The following WFDC10B variants were observed in gnomAD, a reference collection of about 807,000 sequenced individuals.
WFDC10B encodes WAP four-disulfide core domain 10B, also known as protein WFDC10B.
A neutral mutation model predicts 2.7 loss-of-function variants in WFDC10B; 1 was observed. The ratio of observed to expected loss-of-function variants is 0.38; its 90% CI spans 0.13 to 1.79. The LOEUF is 1.79. Among genes scored for constraint, WFDC10B ranks in the 40% most tolerant of loss-of-function variants. The probability of loss-of-function intolerance (pLI) is 0.33; values close to 1 mark genes in which losing one functional copy is unlikely to be tolerated. For synonymous variants in WFDC10B, 26 were observed against 32.2 expected, an observed-to-expected ratio of 0.81 and a Z score of 0.65; for missense variants, 71 against 87.8, an observed-to-expected ratio of 0.81 and a Z score of 0.76.
chr20:45,691,470 C>A (rs1195699029), intron 2 of WFDC10B, among the ~76,000 whole-genome samples: 1 of 150,446 alleles, frequency 6.6e-6, no homozygotes, highest in Non-Finnish European at 1.5e-5. Context: ...GTGTGGGAGT[C>A]TAAGTCTCTT....
At chr20:45,702,221 G>A in intron 2 of WFDC10B, 3 of 1,609,250 alleles carry the variant, frequency 1.9e-6, no homozygotes, top group East Asian at 2.2e-5. Flanking sequence ...AGTAGGTGCT[G>A]GATCTGGGCC....
At position 45,686,465 on chromosome 20, in the gene WFDC10B, G is replaced by A. The variant is rs143156830; in HGVS notation, c.-64-409C>T. Among the ~76,000 whole-genome samples, 26 of 150,890 alleles carry A rather than the reference G, an allele frequency of 1.7e-4. No individual in the cohort carries two copies. The East Asian group carries it at 3.5e-3, about 20-fold the overall frequency. On this transcript the variant is annotated intron_variant, in intron 2 of 3. Transcript: ENST00000330523. ...AATCACCTATCTTTTGTTACCTACCGTCTGCCACCTTTATTTAGTCATGCA... is the reference window on the plus strand; with the variant it reads ...AATCACCTATCTTTTGTTACCTACCATCTGCCACCTTTATTTAGTCATGCA...
At chr20:45,685,359 A>C (rs1983573027) in intron 3 of WFDC10B, among the ~76,000 whole-genome samples, 1 of 151,926 alleles carries the variant, frequency 6.6e-6, no homozygotes, top group African/African-American at 2.4e-5. Context: ...AAGAAGATGA[A>C]CTTGCCTCTC....
Position 45,704,770 on chromosome 20 carries a change from A to G in WFDC10B, c.-130+148T>C, listed in dbSNP as rs551085663. 5 of 1,304,296 alleles carry G rather than the reference A, an allele frequency of 3.8e-6. No individual in the cohort carries two copies. The East Asian group carries it at 1.2e-4, about 30-fold the overall frequency. The allele number at this position is 1,304,296 out of a possible 1,614,324, so 80.8% of individuals were successfully genotyped here. On this transcript the variant is annotated intron_variant, in intron 1 of 3. Coordinates refer to ENST00000330523, the MANE Select transcript of WFDC10B (RefSeq NM_172006.2). ...GATAATTTCCATAAAAGTCCTGATT[A>G]GAAAAGCCCTCCTCCCCTCCCAATC...
intron 2 of WFDC10B, among the ~76,000 whole-genome samples, chr20:45,702,497 T>C (rs1454010624): frequency 1.3e-5 from 2 of 152,210 alleles, no homozygotes; most frequent in African/African-American, 2.4e-5. Flanking sequence ...TGCTCAGTAA[T>C]ATTAAATGCT....
chr20:45,687,162 T>C (rs558336422), intron 2 of WFDC10B, among the ~76,000 whole-genome samples: 1 of 152,264 alleles, frequency 6.6e-6, no homozygotes, highest in Non-Finnish European at 1.5e-5. Flanking sequence ...CTCCCTCCTA[T>C]GACAGGCCCC....
chr20:45,685,672 G>T (rs1983587514), intron 3 of WFDC10B, among the ~76,000 whole-genome samples: 1 of 152,144 alleles, frequency 6.6e-6, no homozygotes, highest in Non-Finnish European at 1.5e-5. Flanking sequence ...TAAGTACTGG[G>T]AGCAAACAAC....
In WFDC10B at chr20:45,693,579, C is replaced by T. The variant is rs183988370; in HGVS notation, c.-64-7523G>A. ...TGCTGCCGCCTTGCTGTTTGATCTCCGACTGCTGTGCTAGCAATCAGCGAG... is the reference window on the plus strand; with the variant it reads ...TGCTGCCGCCTTGCTGTTTGATCTCTGACTGCTGTGCTAGCAATCAGCGAG... On this transcript the variant is annotated intron_variant, in intron 2 of 3. Coordinates refer to ENST00000330523, the MANE Select transcript of WFDC10B (RefSeq NM_172006.2). 1.3e-3 allele frequency among the ~76,000 whole-genome samples: 199 copies of T among 152,218 alleles called. 1 individual carries two copies. The highest frequency in any genetic ancestry group is 3.7e-3 in the African/African-American group (155 of 41,554).
Position 45,684,779 on chromosome 20 carries a change from C to A in WFDC10B, c.*51G>T, listed in dbSNP as rs775250900. ...TGTGCTTCGGATGTGGGCACAGTCT[C>A]GGATGGAAGGGTTCAGGGAGCAGGA... On this transcript the variant is annotated 3_prime_UTR_variant, in exon 4 of 4. Transcript: ENST00000330523. 3.8e-6 allele frequency: 6 copies of A among 1,599,154 alleles called. No homozygotes were observed. In the East Asian group the frequency reaches 1.1e-4, roughly 30 times the overall value.
At chr20:45,699,326 A>G (rs1984076449) in intron 2 of WFDC10B, among the ~76,000 whole-genome samples, 1 of 152,256 alleles carries the variant, frequency 6.6e-6, no homozygotes, top group South Asian at 2.1e-4. Context: ...ATATTCATCT[A>G]CAAATGTTCA....
intron 2 of WFDC10B, among the ~76,000 whole-genome samples, chr20:45,687,307 T>C (rs928847766): frequency 2.6e-5 from 4 of 152,230 alleles, no homozygotes; most frequent in African/African-American, 7.2e-5. Context: ...GATAACGGCT[T>C]GTAGTTCCAT....
intron 3 of WFDC10B, among the ~76,000 whole-genome samples, chr20:45,685,485 G>T (rs997837197): frequency 2.0e-5 from 3 of 152,088 alleles, no homozygotes; most frequent in Admixed American, 6.6e-5. Context: ...ACTTTTCATT[G>T]CTTATGTCCT....
chr20:45,686,957 G>A (rs1158204559), intron 2 of WFDC10B, among the ~76,000 whole-genome samples: 6 of 151,994 alleles, frequency 3.9e-5, no homozygotes, highest in South Asian at 4.1e-4. Flanking sequence ...CACCACACTC[G>A]GCCTAATTAT....
intron 3 of WFDC10B, among the ~76,000 whole-genome samples, chr20:45,685,286 C>T (rs186987714): frequency 2.0e-3 from 306 of 152,248 alleles, no homozygotes; most frequent in African/African-American, 7.1e-3. Flanking sequence ...ACCCTGAGAG[C>T]TCAAAGAAGC....
chr20:45,688,437 G>A (rs560126237), intron 2 of WFDC10B, among the ~76,000 whole-genome samples: 1 of 151,902 alleles, frequency 6.6e-6, no homozygotes, highest in South Asian at 2.1e-4. Flanking sequence ...CTAGATCCCT[G>A]AGGAATCGCC....
intron 2 of WFDC10B, among the ~76,000 whole-genome samples, chr20:45,701,345 G>A (rs1409013643): frequency 6.6e-6 from 1 of 152,104 alleles, no homozygotes; most frequent in Admixed American, 6.5e-5. Flanking sequence ...GTTTCAGTGA[G>A]GTCAAATAAT....
At chr20:45,689,244 C>G (rs1257089560) in intron 2 of WFDC10B, among the ~76,000 whole-genome samples, 1 of 151,676 alleles carries the variant, frequency 6.6e-6, no homozygotes, top group African/African-American at 2.4e-5. Context: ...GTTACTGTAG[C>G]CTTGGAGTAT....
At chr20:45,684,982 G>T in intron 3 of WFDC10B, 22 bp from the exon 4 acceptor site, 1 of 1,613,286 alleles carries the variant, frequency 6.2e-7, no homozygotes, top group Non-Finnish European at 8.5e-7. Context: ...CAGGAGCAGG[G>T]TCAATGAAAC....
At chr20:45,704,709 G>A in intron 1 of WFDC10B, 148 bp from the exon 2 acceptor site, 1 of 1,462,418 alleles carries the variant, frequency 6.8e-7, no homozygotes, top group East Asian at 2.3e-5. Context: ...TTTCCTTGGT[G>A]GCCATGTTGC....
Sources: allele counts gnomAD v4.1 joint callset (sites outside exome capture counted in the v4.1 genomes callset), GRCh38; gene constraint gnomAD v4.1.1; transcripts MANE v1.5; gene names NCBI Gene and HGNC (gene_info 2026-07-23, HGNC 2026-07-21).